ERC2: variants seen among roughly 807,000 people sequenced by gnomAD.
ERC2 encodes the protein ELKS/RAB6-interacting/CAST family member 2.
Under a neutral mutation model 114.8 loss-of-function variants are expected in ERC2, and 42 were observed. That is an observed-to-expected ratio of 0.37 (90% CI 0.29 to 0.47). ERC2 has a LOEUF of 0.47. Ranked by LOEUF, ERC2 falls within the 20% of genes least tolerant of loss-of-function variation. The pLI, the probability that ERC2 is intolerant of heterozygous loss-of-function variation, is 0.99. For missense variants in ERC2, 939 were observed against 1,150.7 expected (o/e 0.82, Z 2.66); for synonymous variants, 454 against 425.5 (o/e 1.07, Z -0.82).
At position 55,525,202 on chromosome 3, in the gene ERC2, G is replaced by A. The variant is rs549783920; in HGVS notation, c.*40-13926C>T. Reference sequence around the variant, plus strand: ...CTTTAATTTTCACAAAATTAGGAAGGTGGCTGGGATACAGTTATAATTTTT... The same window carrying A: ...CTTTAATTTTCACAAAATTAGGAAGATGGCTGGGATACAGTTATAATTTTT... On this transcript the variant is annotated intron_variant, in intron 17 of 17. Transcript: ENST00000288221. 3.9e-5 allele frequency among the ~76,000 whole-genome samples: 6 copies of A among 152,338 alleles called. No individual in the cohort carries two copies. The South Asian group carries it at 1.0e-3, about 26-fold the overall frequency.
At chr3:56,333,890 C>A (rs1043044604) in intron 2 of ERC2, among the ~76,000 whole-genome samples, 4 of 152,190 alleles carry the variant, frequency 2.6e-5, no homozygotes, top group African/African-American at 9.6e-5. Flanking sequence ...TGAAGTCTAA[C>A]TCCAGCCACT....
At chr3:55,659,508 C>G (rs2061027578) in intron 17 of ERC2, 1 of 152,164 alleles carries the variant, frequency 6.6e-6, no homozygotes, top group African/African-American at 2.4e-5. Context: ...CCCCTACCAC[C>G]TCTCTCAGGT....
At chr3:56,011,775 T>C (rs549781161) in intron 8 of ERC2, among the ~76,000 whole-genome samples, 1 of 152,316 alleles carries the variant, frequency 6.6e-6, no homozygotes. Context: ...CCAAGGATCC[T>C]GATACTATCT....
At chr3:56,212,226 A>G (rs2049109629) in intron 3 of ERC2, among the ~76,000 whole-genome samples, 1 of 152,148 alleles carries the variant, frequency 6.6e-6, no homozygotes, top group Non-Finnish European at 1.5e-5. Context: ...GACTAATGTT[A>G]AGAATCTACA....
At chr3:55,883,919 CAACAACAA>C (rs1553717243) in intron 14 of ERC2, among the ~76,000 whole-genome samples, 26 of 151,830 alleles carry the variant, frequency 1.7e-4, no homozygotes, top group African/African-American at 6.3e-4. Context: ...ACAACAACAA[CAACAACAA>C]CACCACAAAA....
chr3:55,884,064 T>G (rs6445755), intron 14 of ERC2, among the ~76,000 whole-genome samples: 23,455 of 152,178 alleles, frequency 0.15, 2,227 homozygotes, highest in African/African-American at 0.27. Flanking sequence ...TGTTACCAAT[T>G]AGGGAAATGG....
chr3:56,421,920 A>G (rs537762570), intron 2 of ERC2, among the ~76,000 whole-genome samples: 27 of 152,280 alleles, frequency 1.8e-4, no homozygotes, highest in Non-Finnish European at 3.2e-4. Context: ...AACTTAGTAA[A>G]TAAATGGTCT....
chr3:56,204,368 CTTT>C, intron 3 of ERC2, among the ~76,000 whole-genome samples: 1 of 152,236 alleles, frequency 6.6e-6, no homozygotes, highest in Non-Finnish European at 1.5e-5. Context: ...TTTAACTTTA[CTTT>C]TGCTCTGCTA....
chr3:55,881,411 G>A (rs1011386144), intron 14 of ERC2, among the ~76,000 whole-genome samples: 2 of 152,172 alleles, frequency 1.3e-5, no homozygotes, highest in African/African-American at 4.8e-5. Context: ...TAAAAACAAA[G>A]GGGCCTGCTG....
chr3:56,143,266 T>C (rs1394131222), intron 5 of ERC2, among the ~76,000 whole-genome samples: 3 of 152,212 alleles, frequency 2.0e-5, no homozygotes, highest in African/African-American at 7.2e-5. Context: ...TCAGTGTCCT[T>C]GTGGCTATGA....
At chr3:56,450,438 T>C (rs2062778453) in intron 1 of ERC2, among the ~76,000 whole-genome samples, 2 of 152,216 alleles carry the variant, frequency 1.3e-5, no homozygotes, top group Admixed American at 6.5e-5. Context: ...CATCAATTTA[T>C]TTCAAAGTGT....
chr3:56,288,343 GAGGA>G (rs1399968859), intron 3 of ERC2, among the ~76,000 whole-genome samples: 1 of 152,162 alleles, frequency 6.6e-6, no homozygotes, highest in African/African-American at 2.4e-5. Flanking sequence ...TGAGGGTGAA[GAGGA>G]AGTAATCAGA....
intron 7 of ERC2, among the ~76,000 whole-genome samples, chr3:56,061,042 T>G (rs2076224117): frequency 6.6e-6 from 1 of 152,182 alleles, no homozygotes. Flanking sequence ...CCAGCCATGG[T>G]CTTTATCTTG....
intron 14 of ERC2, among the ~76,000 whole-genome samples, chr3:55,855,473 C>T (rs951234716): frequency 6.6e-6 from 1 of 152,224 alleles, no homozygotes; most frequent in African/African-American, 2.4e-5. Context: ...AAATCCAGGC[C>T]TTTGGCCAAG....
intron 13 of ERC2, among the ~76,000 whole-genome samples, chr3:55,900,949 TG>T (rs1210144501): frequency 6.6e-6 from 1 of 152,194 alleles, no homozygotes. Flanking sequence ...GATTTTCAAG[TG>T]GTTTACTTTT....
intron 13 of ERC2, among the ~76,000 whole-genome samples, chr3:55,936,302 A>C (rs2066441182): frequency 6.6e-6 from 1 of 152,206 alleles, no homozygotes; most frequent in African/African-American, 2.4e-5. Context: ...TCATGTATTC[A>C]GTTAGTCAAA....
chr3:56,025,600 T>G (rs939184302), intron 7 of ERC2, among the ~76,000 whole-genome samples: 2 of 152,136 alleles, frequency 1.3e-5, no homozygotes, highest in African/African-American at 4.8e-5. Flanking sequence ...AAAATCACCC[T>G]CCTGCTTGGA....
chr3:56,149,903 T>C (rs1291602468), intron 4 of ERC2, among the ~76,000 whole-genome samples: 3 of 152,116 alleles, frequency 2.0e-5, no homozygotes, highest in African/African-American at 7.2e-5. Flanking sequence ...ATACACAAGG[T>C]AGAGCATTAG....
intron 2 of ERC2, among the ~76,000 whole-genome samples, chr3:56,381,544 C>G (rs1208920166): frequency 1.3e-5 from 2 of 151,882 alleles, no homozygotes; most frequent in Non-Finnish European, 1.5e-5. Context: ...TTGTAATTTA[C>G]TTTTAAAAAA....
Sources: gnomAD v4.1 joint callset for allele counts (sites outside exome capture counted in the v4.1 genomes callset) on GRCh38, gnomAD v4.1.1 for gene constraint, MANE v1.5 for transcripts, NCBI Gene and HGNC (gene_info 2026-07-23, HGNC 2026-07-21) for gene names.